COL26A1: variants seen among roughly 807,000 people sequenced by gnomAD.
COL26A1 encodes collagen alpha-1(XXVI) chain.
COL26A1 carries 41 observed loss-of-function variants against 59.3 expected under a neutral mutation model. That is an observed-to-expected ratio of 0.69 (90% confidence interval 0.54 to 0.90). The LOEUF (loss-of-function observed/expected upper bound fraction) is 0.90. Ranked by LOEUF, COL26A1 falls within the 40% of genes least tolerant of loss-of-function variation. The pLI, the probability that COL26A1 is intolerant of heterozygous loss-of-function variation, is 0.00. For missense variants in COL26A1, 612 were observed against 602.3 expected (o/e 1.02, Z -0.17); for synonymous variants, 266 against 256.0 (o/e 1.04, Z -0.37).
intron 4 of COL26A1, 116 bp from the exon 5 acceptor site, chr7:101,539,777 A>G: frequency 9.3e-7 from 1 of 1,077,446 alleles, no homozygotes; most frequent in Non-Finnish European, 1.3e-6. Context: ...GACGGGGCAC[A>G]CACAGCGTGG....
chr7:101,485,010 C>A (rs1463082460), intron 3 of COL26A1, among the ~76,000 whole-genome samples: 2 of 152,056 alleles, frequency 1.3e-5, no homozygotes, highest in Non-Finnish European at 2.9e-5. Context: ...CGCCACCAAG[C>A]CTGGCAAATT....
intron 3 of COL26A1, among the ~76,000 whole-genome samples, chr7:101,514,926 G>C (rs745939241): frequency 6.6e-6 from 1 of 152,236 alleles, no homozygotes; most frequent in Admixed American, 6.5e-5. Flanking sequence ...TGTGAGCAGA[G>C]AGCAGGCATC....
At chr7:101,538,270 G>A (rs1376056761) in intron 4 of COL26A1, among the ~76,000 whole-genome samples, 4 of 152,176 alleles carry the variant, frequency 2.6e-5, no homozygotes, top group African/African-American at 9.7e-5. Context: ...GGAGATTCAG[G>A]AGAACGGGGT....
At chr7:101,539,305 T>C (rs1166455172) in intron 4 of COL26A1, among the ~76,000 whole-genome samples, 1 of 151,650 alleles carries the variant, frequency 6.6e-6, no homozygotes, top group African/African-American at 2.4e-5. Context: ...TGTGTGTGTG[T>C]GTGTGTGTGT....
intron 3 of COL26A1, among the ~76,000 whole-genome samples, chr7:101,492,623 G>A (rs535160358): frequency 5.3e-5 from 8 of 151,798 alleles, no homozygotes; most frequent in Middle Eastern, 3.4e-3. Flanking sequence ...CTTGAATCCC[G>A]GAGGTGGAGG....
chr7:101,397,745 C>T (rs2130179265), intron 1 of COL26A1, among the ~76,000 whole-genome samples: 1 of 152,162 alleles, frequency 6.6e-6, no homozygotes, highest in East Asian at 1.9e-4. Flanking sequence ...GCTAGGTTGC[C>T]CAGGCTGGTC....
intron 1 of COL26A1, among the ~76,000 whole-genome samples, chr7:101,398,458 T>C (rs1338182727): frequency 6.6e-6 from 1 of 152,180 alleles, no homozygotes; most frequent in Non-Finnish European, 1.5e-5. Flanking sequence ...AGTCCTCTTA[T>C]TGGGCTTATG....
At chr7:101,402,407 G>C (rs1424558783) in intron 1 of COL26A1, among the ~76,000 whole-genome samples, 1 of 152,082 alleles carries the variant, frequency 6.6e-6, no homozygotes, top group Non-Finnish European at 1.5e-5. Context: ...CCAGCTTGCC[G>C]TGCCAGCTTG....
chr7:101,369,219 C>G (rs1791125385), intron 1 of COL26A1, among the ~76,000 whole-genome samples: 1 of 151,862 alleles, frequency 6.6e-6, no homozygotes, highest in African/African-American at 2.4e-5. Flanking sequence ...CCAGCCTGGC[C>G]AACATGGTGA....
At chr7:101,392,623 A>G (rs772093858) in intron 1 of COL26A1, among the ~76,000 whole-genome samples, 2 of 151,910 alleles carry the variant, frequency 1.3e-5, no homozygotes, top group Non-Finnish European at 2.9e-5. Flanking sequence ...GCTAGTGTCA[A>G]ACTCCTGACC....
chr7:101,483,019 G>A (rs1008898295), intron 3 of COL26A1, among the ~76,000 whole-genome samples: 5 of 152,136 alleles, frequency 3.3e-5, no homozygotes, highest in African/African-American at 1.2e-4. Context: ...GCAGCTGTGG[G>A]ATGCCTGGGA....
intron 3 of COL26A1, among the ~76,000 whole-genome samples, chr7:101,482,809 T>C (rs954770410): frequency 6.6e-6 from 1 of 152,024 alleles, no homozygotes. Flanking sequence ...ATACAAAAAT[T>C]AGCCAGGCGT....
intron 1 of COL26A1, among the ~76,000 whole-genome samples, chr7:101,405,737 G>C (rs569131320): frequency 6.6e-6 from 1 of 152,276 alleles, no homozygotes; most frequent in South Asian, 2.1e-4. Context: ...AATGGCGGTA[G>C]TTGGGGATCA....
rs538691507 is a variant in COL26A1, at chr7:101,393,362, ATTGGAG to A, written c.159-26609_159-26604del. On this transcript the variant is annotated intron_variant, in intron 1 of 12. Coordinates refer to ENST00000313669, the MANE Select transcript of COL26A1 (RefSeq NM_001278563.3). Reference sequence around the variant, plus strand: ...CAGTCTGAGTCCCAAAGCTGAAGAAATTGGAGTTGGATGTTTCAGGGCAGGAAGCAT... The same window carrying A: ...CAGTCTGAGTCCCAAAGCTGAAGAAATTGGATGTTTCAGGGCAGGAAGCAT... Among the ~76,000 whole-genome samples, 24 of 152,320 alleles carry A rather than the reference ATTGGAG, an allele frequency of 1.6e-4. 1 individual carries two copies. In the South Asian group the frequency reaches 5.0e-3, roughly 32 times the overall value.
rs534013751 is a variant in COL26A1 at position 101,441,386 on chromosome 7, ACTT to A, written c.282-6295_282-6293del. Among the ~76,000 whole-genome samples, 11 of 152,244 alleles carry A rather than the reference ACTT, an allele frequency of 7.2e-5. No homozygotes were observed. In the East Asian group the frequency reaches 2.1e-3, roughly 29 times the overall value. On this transcript the variant is annotated intron_variant, in intron 2 of 12. Transcript: ENST00000313669. ...GAGTGCAGTGGTGCAATCTCAGCTC[ACTT>A]CTATCTGTGTCTCCCAGGTTTAAGC...
At chr7:101,448,593 A>G (rs746581096) in intron 3 of COL26A1, among the ~76,000 whole-genome samples, 6 of 152,042 alleles carry the variant, frequency 3.9e-5, no homozygotes, top group Non-Finnish European at 7.4e-5. Context: ...CCTGGGCTCA[A>G]TTGATCCTCC....
At chr7:101,407,689 C>CT (rs1792159020) in intron 1 of COL26A1, among the ~76,000 whole-genome samples, 1 of 151,786 alleles carries the variant, frequency 6.6e-6, no homozygotes, top group Non-Finnish European at 1.5e-5. Flanking sequence ...CTAGCTAAAA[C>CT]AGGGAAGAGG....
At chr7:101,418,313 C>T (rs1209506241) in intron 1 of COL26A1, among the ~76,000 whole-genome samples, 2 of 147,568 alleles carry the variant, frequency 1.4e-5, no homozygotes, top group African/African-American at 2.4e-5. Flanking sequence ...CCCCATGTGG[C>T]TCCTAGCTTC....
intron 2 of COL26A1, among the ~76,000 whole-genome samples, chr7:101,442,100 G>C (rs1283688264): frequency 1.3e-5 from 2 of 152,260 alleles, no homozygotes. Flanking sequence ...GCTGTGCTCA[G>C]CAGGGTGCAA....
Sources: allele counts gnomAD v4.1 joint callset (sites outside exome capture counted in the v4.1 genomes callset), GRCh38; gene constraint gnomAD v4.1.1; transcripts MANE v1.5; gene names NCBI Gene and HGNC (gene_info 2026-07-23, HGNC 2026-07-21).